The following ACTR3C variants were observed in gnomAD, a reference collection of about 807,000 sequenced individuals.
ACTR3C encodes the protein actin related protein 3C.
ACTR3C carries 18 observed loss-of-function variants against 26.3 expected under a neutral mutation model. The observed-to-expected ratio is 0.68, with a 90% CI of 0.47 to 1.01. ACTR3C has a LOEUF of 1.01. ACTR3C is among the 50% of genes least tolerant of loss of function. ACTR3C has a pLI of 0.00. For synonymous variants in ACTR3C, 55 were observed against 94.5 expected (o/e 0.58, Z 2.42); for missense variants, 184 against 250.7 (o/e 0.73, Z 1.80).
At chr7:150,204,845 T>C in the ACTR3C span, among the ~76,000 whole-genome samples, 4 of 150,110 alleles carry the variant, frequency 2.7e-5, no homozygotes, top group African/African-American at 9.8e-5. Context: ...CAGGGAGGAC[T>C]GGCGAGTGCA....
the ACTR3C span, chr7:149,891,494 T>C: frequency 3.2e-6 from 1 of 316,252 alleles, no homozygotes; most frequent in South Asian, 3.5e-5. Context: ...CATATTCTCC[T>C]CCACTCATTT....
At chr7:150,215,620 A>G in the ACTR3C span, among the ~76,000 whole-genome samples, 1 of 152,178 alleles carries the variant, frequency 6.6e-6, no homozygotes, top group Non-Finnish European at 1.5e-5. Context: ...TTTGGAGACA[A>G]AGGTGGAATG....
At chr7:149,904,903 G>A in the ACTR3C span, among the ~76,000 whole-genome samples, 10,903 of 151,800 alleles carry the variant, frequency 0.072, 625 homozygotes, top group African/African-American at 0.15. Flanking sequence ...GTGGGCGCCT[G>A]TAATTCCAGC....
chr7:150,305,959 C>A, intron 1 of ACTR3C, among the ~76,000 whole-genome samples: 1 of 152,144 alleles, frequency 6.6e-6, no homozygotes, highest in Non-Finnish European at 1.5e-5. Context: ...CTGGTTCACT[C>A]CCCTTTAACT....
the ACTR3C span, among the ~76,000 whole-genome samples, chr7:149,914,880 TTC>T: frequency 1.6e-5 from 1 of 62,712 alleles, no homozygotes; most frequent in Non-Finnish European, 2.7e-5. Flanking sequence ...TAAAATTTAA[TTC>T]TTTTTTTTTT....
the ACTR3C span, among the ~76,000 whole-genome samples, chr7:150,018,277 C>T: frequency 2.0e-5 from 3 of 149,072 alleles, no homozygotes; most frequent in East Asian, 1.9e-4. Flanking sequence ...ATCTCCTGAC[C>T]GTGTGATACA....
At chr7:150,078,709 G>A in the ACTR3C span, among the ~76,000 whole-genome samples, 1 of 152,284 alleles carries the variant, frequency 6.6e-6, no homozygotes, top group East Asian at 1.9e-4. Flanking sequence ...ATAGCTGGTA[G>A]GACATTATTT....
intron 6 of ACTR3C, among the ~76,000 whole-genome samples, chr7:150,255,959 C>G (rs897340529): frequency 1.3e-5 from 2 of 152,186 alleles, no homozygotes; most frequent in African/African-American, 4.8e-5. Context: ...CTCCAAGTAA[C>G]AACAATCATG....
chr7:149,981,773 T>C, the ACTR3C span, among the ~76,000 whole-genome samples: 1 of 152,118 alleles, frequency 6.6e-6, no homozygotes, highest in African/African-American at 2.4e-5. Context: ...AGAGAGCTGG[T>C]CCTTGAGTTT....
the ACTR3C span, among the ~76,000 whole-genome samples, chr7:150,085,402 G>A: frequency 6.6e-6 from 1 of 152,226 alleles, no homozygotes; most frequent in Admixed American, 6.5e-5. Flanking sequence ...GGAGTGGATA[G>A]TGCAATCGAA....
At chr7:150,273,049 TAAAGA>T (rs1435864618) in intron 6 of ACTR3C, among the ~76,000 whole-genome samples, 1 of 144,328 alleles carries the variant, frequency 6.9e-6, no homozygotes, top group African/African-American at 2.8e-5. Flanking sequence ...TTCTAAGAAA[TAAAGA>T]AAAGATGTCA....
the ACTR3C span, among the ~76,000 whole-genome samples, chr7:149,919,265 C>T: frequency 6.7e-6 from 1 of 149,772 alleles, no homozygotes; most frequent in Non-Finnish European, 1.5e-5. Flanking sequence ...TTTTTTGAGA[C>T]AGAGTCACTC....
chr7:150,206,516 C>T, the ACTR3C span, among the ~76,000 whole-genome samples: 14,464 of 152,086 alleles, frequency 0.095, 903 homozygotes, highest in East Asian at 0.24. Context: ...CGGGGTCAAG[C>T]GATTCCCTTG....
the ACTR3C span, among the ~76,000 whole-genome samples, chr7:149,917,959 G>A: frequency 4.6e-5 from 7 of 151,990 alleles, no homozygotes; most frequent in Non-Finnish European, 1.0e-4. Context: ...GTTCCCAGAC[G>A]CTAACAATAG....
the ACTR3C span, among the ~76,000 whole-genome samples, chr7:150,118,299 T>C: frequency 0.46 from 70,277 of 151,638 alleles, 16,840 homozygotes; most frequent in African/African-American, 0.59. Flanking sequence ...GCTAAAGTAG[T>C]GTGTTCTAAC....
At chr7:150,316,511 C>T (rs1374361402) in intron 1 of ACTR3C, among the ~76,000 whole-genome samples, 10 of 110,362 alleles carry the variant, frequency 9.1e-5, no homozygotes, top group Non-Finnish European at 1.4e-4. Context: ...TTTTTTGAGG[C>T]GGAGTCTCAC....
the ACTR3C span, among the ~76,000 whole-genome samples, chr7:150,042,344 G>A: frequency 1.4e-4 from 18 of 125,024 alleles, no homozygotes; most frequent in South Asian, 1.3e-3. Flanking sequence ...CCTCGCGGGG[G>A]GTGCCTCCGC....
At chr7:150,042,097 GGGGGGTGCCTCCCCCCTCTGC>G in the ACTR3C span, among the ~76,000 whole-genome samples, 20 of 90,382 alleles carry the variant, frequency 2.2e-4, 1 homozygote, top group African/African-American at 6.0e-4. Context: ...CCTGCCTCGC[GGGGGGTGCCTCCCCCCTCTGC>G]GATGGGGGTC....
chr7:150,078,728 T>G, the ACTR3C span, among the ~76,000 whole-genome samples: 2 of 152,300 alleles, frequency 1.3e-5, no homozygotes, highest in Admixed American at 6.5e-5. Context: ...TTCTGGATTG[T>G]GTCCATGAGG....
Sources: allele counts gnomAD v4.1 joint callset (sites outside exome capture counted in the v4.1 genomes callset), GRCh38; gene constraint gnomAD v4.1.1; transcripts MANE v1.5; gene names NCBI Gene and HGNC (gene_info 2026-07-23, HGNC 2026-07-21).